CSGALNACT1: variants seen among roughly 807,000 people sequenced by gnomAD.
CSGALNACT1 encodes beta4GalNAcT-1.
A neutral mutation model predicts 51.0 loss-of-function variants in CSGALNACT1; 52 were observed. The observed-to-expected ratio is 1.02, with a 90% CI of 0.82 to 1.29. The LOEUF is 1.29. CSGALNACT1 is among the 50% of genes most tolerant of loss of function. CSGALNACT1 has a pLI of 0.00. For missense variants in CSGALNACT1, 935 were observed against 679.2 expected (o/e 1.38, Z -4.19); for synonymous variants, 341 against 254.4 (o/e 1.34, Z -3.24).
chr8:19,667,465 T>G (rs981706840), intron 1 of CSGALNACT1, among the ~76,000 whole-genome samples: 1 of 152,112 alleles, frequency 6.6e-6, no homozygotes, highest in African/African-American at 2.4e-5. Flanking sequence ...ATTATTTCTA[T>G]TCTACCTTAG....
chr8:19,643,788 T>C (rs895034972), intron 1 of CSGALNACT1, among the ~76,000 whole-genome samples: 2 of 152,208 alleles, frequency 1.3e-5, no homozygotes, highest in Non-Finnish European at 2.9e-5. Context: ...TAGCACACAA[T>C]GCCTGTTGGA....
rs965250406 is a variant in CSGALNACT1 at position 19,523,328 on chromosome 8, G to A, written c.-296-17198C>T. On this transcript the variant is annotated intron_variant, in intron 3 of 9. Coordinates refer to ENST00000454498, the Ensembl canonical transcript of CSGALNACT1. ...CACCTAGGCTGAAGTGCAAGGGCGC[G>A]ATCATGGGTCACTGCAGTCTTGAAC... is the stretch of plus-strand genomic sequence containing the variant. Among the ~76,000 whole-genome samples, 8 of 152,144 alleles carry A rather than the reference G, an allele frequency of 5.3e-5. No individual in the cohort carries two copies. In the East Asian group the frequency reaches 9.6e-4, roughly 18 times the overall value.
intron 4 of CSGALNACT1, among the ~76,000 whole-genome samples, chr8:19,492,851 C>T (rs1046727199): frequency 6.6e-6 from 1 of 152,060 alleles, no homozygotes; most frequent in Non-Finnish European, 1.5e-5. Context: ...ATAATATGAA[C>T]AGATTTTTCA....
At chr8:19,433,041 T>C (rs1268549732) in intron 6 of CSGALNACT1, among the ~76,000 whole-genome samples, 1 of 152,202 alleles carries the variant, frequency 6.6e-6, no homozygotes, top group Non-Finnish European at 1.5e-5. Flanking sequence ...AAATGTATTA[T>C]GGTAAGCCTA....
At chr8:19,703,848 G>C (rs1205341819) in intron 1 of CSGALNACT1, among the ~76,000 whole-genome samples, 1 of 152,186 alleles carries the variant, frequency 6.6e-6, no homozygotes, top group Non-Finnish European at 1.5e-5. Flanking sequence ...AATTAACAGT[G>C]TTTTTTAGGA....
intron 1 of CSGALNACT1, among the ~76,000 whole-genome samples, chr8:19,648,317 G>C (rs1204448091): frequency 1.3e-5 from 2 of 152,146 alleles, no homozygotes; most frequent in Non-Finnish European, 2.9e-5. Context: ...TAATGTTAGA[G>C]GCAAACTGTC....
chr8:19,719,724 C>T lies in CSGALNACT1; in HGVS notation c.-297+38126G>A, dbSNP rs116049783. On this transcript the variant is annotated intron_variant, in intron 1 of 1. Coordinates refer to the CSGALNACT1 transcript ENST00000517494. The stretch of plus-strand genomic sequence containing the variant: ...CAAGTGTCTGTCTGAGTCATTTCTA[C>T]GTGGGAGGATGCCAGACAATGCCAG... 6.7e-3 allele frequency among the ~76,000 whole-genome samples: 1,015 copies of T among 152,324 alleles called. 10 individuals are homozygous for T. Among genetic ancestry groups the T allele is most frequent in the African/African-American group, 0.023 (954 of 41,564 alleles).
At chr8:19,489,417 C>G (rs1041697656) in intron 4 of CSGALNACT1, among the ~76,000 whole-genome samples, 6 of 152,186 alleles carry the variant, frequency 3.9e-5, no homozygotes, top group African/African-American at 1.4e-4. Flanking sequence ...CATCACTCGC[C>G]AGAGCCATCC....
chr8:19,729,343 T>C (rs1209166591), intron 1 of CSGALNACT1, among the ~76,000 whole-genome samples: 1 of 152,228 alleles, frequency 6.6e-6, no homozygotes, highest in Non-Finnish European at 1.5e-5. Context: ...AGTGCTCACA[T>C]GCAAACTAGC....
chr8:19,503,104 T>C (rs1317966533), intron 4 of CSGALNACT1, among the ~76,000 whole-genome samples: 1 of 152,226 alleles, frequency 6.6e-6, no homozygotes, highest in Non-Finnish European at 1.5e-5. Context: ...TCTTGTGGTA[T>C]TGATAATATT....
In CSGALNACT1 at chr8:19,548,437, C is replaced by T. The variant is rs1313764243; in HGVS notation, c.-296-42307G>A. 3.3e-5 allele frequency among the ~76,000 whole-genome samples: 5 copies of T among 152,264 alleles called. No individual in the cohort carries two copies. The East Asian group carries it at 9.6e-4, about 29-fold the overall frequency. ...TTTTTCAATATATTCCAAAAACTCA[C>T]TGCTGTTTTTCTCAAGTATTATTTT... On this transcript the variant is annotated intron_variant, in intron 3 of 9. Transcript: ENST00000454498.
chr8:19,610,448 G>T (rs1225453182), intron 1 of CSGALNACT1, among the ~76,000 whole-genome samples: 1 of 151,974 alleles, frequency 6.6e-6, no homozygotes, highest in Non-Finnish European at 1.5e-5. Context: ...ACTCTGGCCT[G>T]CCACAACCCA....
chr8:19,508,876 G>T (rs1205650983), intron 3 of CSGALNACT1, among the ~76,000 whole-genome samples: 2 of 152,118 alleles, frequency 1.3e-5, no homozygotes, highest in Admixed American at 1.3e-4. Flanking sequence ...TTTAAAACTG[G>T]AATATCTTTT....
At position 19,450,786 on chromosome 8, in the gene CSGALNACT1, C is replaced by T. The variant is rs983103359; in HGVS notation, c.851+7640G>A. 2.6e-5 allele frequency among the ~76,000 whole-genome samples: 4 copies of T among 151,878 alleles called. No individual in the cohort carries two copies. The East Asian group carries it at 5.8e-4, about 22-fold the overall frequency. Reference sequence around the variant, plus strand: ...CTGGCTGGATGTGGTGGCATGCATCCGTAGCCCCAGCTACTCAGGAGTCTG... The same window carrying T: ...CTGGCTGGATGTGGTGGCATGCATCTGTAGCCCCAGCTACTCAGGAGTCTG... On this transcript the variant is annotated intron_variant, in intron 5 of 9. Coordinates refer to ENST00000454498, the Ensembl canonical transcript of CSGALNACT1.
upstream of CSGALNACT1, among the ~76,000 whole-genome samples, chr8:19,604,745 T>TAAA (rs36019022): frequency 4.8e-3 from 628 of 130,304 alleles, 3 homozygotes; most frequent in African/African-American, 0.017. Flanking sequence ...GTCTCTACTT[T>TAAA]AAAAAAAAAA....
chr8:19,666,763 G>A (rs541304171), intron 1 of CSGALNACT1, among the ~76,000 whole-genome samples: 231 of 7,234 alleles, frequency 0.032, 3 homozygotes, highest in African/African-American at 0.11. Context: ...AAAGAAAGAA[G>A]AAAGAAAGAA....
chr8:19,708,869 T>C (rs1474238702), intron 1 of CSGALNACT1, among the ~76,000 whole-genome samples: 3 of 152,168 alleles, frequency 2.0e-5, no homozygotes, highest in Non-Finnish European at 4.4e-5. Flanking sequence ...GTCCCTCTCA[T>C]GGTGTCCCAA....
At chr8:19,519,572 A>C (rs1386726342) in intron 3 of CSGALNACT1, among the ~76,000 whole-genome samples, 1 of 152,154 alleles carries the variant, frequency 6.6e-6, no homozygotes, top group Non-Finnish European at 1.5e-5. Context: ...CTCTAAACAG[A>C]ATCACTGGTG....
chr8:19,715,313 G>A (rs1327053621), intron 1 of CSGALNACT1, among the ~76,000 whole-genome samples: 1 of 151,722 alleles, frequency 6.6e-6, no homozygotes, highest in Non-Finnish European at 1.5e-5. Context: ...ATTTGGGTGG[G>A]GACACAGAGC....
Sources: gnomAD v4.1 joint callset for allele counts (sites outside exome capture counted in the v4.1 genomes callset) on GRCh38, gnomAD v4.1.1 for gene constraint, MANE v1.5 for transcripts, NCBI Gene and HGNC (gene_info 2026-07-23, HGNC 2026-07-21) for gene names.